The following DLG2 variants were observed in gnomAD, a reference collection of about 807,000 sequenced individuals.
The protein encoded by DLG2 is discs large MAGUK scaffold protein 2, also known as disks large homolog 2.
Under a neutral mutation model 132.5 loss-of-function variants are expected in DLG2, and 45 were observed. That is an observed-to-expected ratio of 0.34 (90% CI 0.27 to 0.44). The LOEUF (loss-of-function observed/expected upper bound fraction) is 0.44, where lower values mean the gene tolerates loss of function less well. Among genes scored for constraint, DLG2 ranks in the 20% least tolerant of loss-of-function variants. The pLI is 1.00. For synonymous variants in DLG2, 424 were observed against 419.6 expected, an observed-to-expected ratio of 1.01 and a Z score of -0.13; for missense variants, 1,045 against 1,196.9, an observed-to-expected ratio of 0.87 and a Z score of 1.87.
intron 4 of DLG2, among the ~76,000 whole-genome samples, chr11:85,224,591 A>G (rs2074861138): frequency 6.6e-6 from 1 of 152,198 alleles, no homozygotes; most frequent in Admixed American, 6.5e-5. Flanking sequence ...GAAGTGTGAC[A>G]TGAAAGCTTT....
At chr11:85,213,664 TC>T (rs1463118774) in intron 4 of DLG2, among the ~76,000 whole-genome samples, 1 of 152,114 alleles carries the variant, frequency 6.6e-6, no homozygotes, top group East Asian at 1.9e-4. Context: ...TTAATGCTGG[TC>T]AGCTGTGAGG....
intron 3 of DLG2, among the ~76,000 whole-genome samples, chr11:85,320,713 T>C (rs895708958): frequency 2.6e-5 from 4 of 151,808 alleles, no homozygotes; most frequent in Non-Finnish European, 5.9e-5. Flanking sequence ...AAGCAAGCCA[T>C]GTAATTATCT....
At chr11:85,308,389 G>A (rs1296902923) in intron 3 of DLG2, among the ~76,000 whole-genome samples, 1 of 151,924 alleles carries the variant, frequency 6.6e-6, no homozygotes, top group African/African-American at 2.4e-5. Flanking sequence ...TACAGACTAA[G>A]TCACTAAGAT....
chr11:84,240,143 T>C (rs1243089478), intron 8 of DLG2, among the ~76,000 whole-genome samples: 1 of 152,218 alleles, frequency 6.6e-6, no homozygotes, highest in East Asian at 1.9e-4. Flanking sequence ...CTGTACTTCT[T>C]TTAACCTGCT....
At chr11:85,348,988 C>A (rs1403675541) in intron 3 of DLG2, among the ~76,000 whole-genome samples, 1 of 152,098 alleles carries the variant, frequency 6.6e-6, no homozygotes, top group African/African-American at 2.4e-5. Flanking sequence ...ATTCTAAGCC[C>A]CCAACCAACT....
At chr11:83,611,283 G>C (rs187272190) in intron 19 of DLG2, among the ~76,000 whole-genome samples, 33 of 152,178 alleles carry the variant, frequency 2.2e-4, no homozygotes, top group Admixed American at 1.9e-3. Context: ...TATTGAGAAG[G>C]GGGGAAGGGG....
chr11:84,798,024 CAG>C (rs1334766791), intron 6 of DLG2, among the ~76,000 whole-genome samples: 2 of 152,168 alleles, frequency 1.3e-5, no homozygotes, highest in Non-Finnish European at 2.9e-5. Context: ...TTCTCCCAAA[CAG>C]AGTCTCTCTC....
chr11:84,704,595 C>T (rs11602539), intron 6 of DLG2, among the ~76,000 whole-genome samples: 46,469 of 151,088 alleles, frequency 0.31, 8,218 homozygotes, highest in African/African-American at 0.5. Flanking sequence ...TAGCCCTGGC[C>T]CTCATGGAGT....
At chr11:84,241,554 A>G (rs1479263558) in intron 8 of DLG2, among the ~76,000 whole-genome samples, 1 of 152,174 alleles carries the variant, frequency 6.6e-6, no homozygotes, top group Non-Finnish European at 1.5e-5. Flanking sequence ...TCTATTCATT[A>G]GACTAGGAAA....
chr11:85,070,971 A>T (rs1259848320), intron 6 of DLG2, among the ~76,000 whole-genome samples: 1 of 151,880 alleles, frequency 6.6e-6, no homozygotes, highest in East Asian at 1.9e-4. Flanking sequence ...CACTGGAGTC[A>T]GTCTGTCTGA....
chr11:84,504,363 CTAAG>C (rs2099232129), intron 7 of DLG2, among the ~76,000 whole-genome samples: 1 of 152,150 alleles, frequency 6.6e-6, no homozygotes, highest in Non-Finnish European at 1.5e-5. Flanking sequence ...TACCTAACTA[CTAAG>C]TGTTTGGCTT....
chr11:84,993,310 A>G (rs1461033207), intron 6 of DLG2, among the ~76,000 whole-genome samples: 2 of 152,168 alleles, frequency 1.3e-5, no homozygotes, highest in Admixed American at 1.3e-4. Context: ...TACCTAATGC[A>G]TGCAGGCCTT....
chr11:83,659,061 T>C (rs1344880289), intron 18 of DLG2, among the ~76,000 whole-genome samples: 1 of 152,228 alleles, frequency 6.6e-6, no homozygotes. Flanking sequence ...TAATATTCTG[T>C]ACTTCCATAT....
At chr11:83,601,274 G>A (rs111400387) in intron 19 of DLG2, among the ~76,000 whole-genome samples, 1 of 152,066 alleles carries the variant, frequency 6.6e-6, no homozygotes, top group Admixed American at 6.5e-5. Flanking sequence ...AGAGTTGGGG[G>A]CATTATTCTA....
chr11:85,279,479 AG>A (rs2078100213), intron 4 of DLG2, among the ~76,000 whole-genome samples: 1 of 152,118 alleles, frequency 6.6e-6, no homozygotes, highest in African/African-American at 2.4e-5. Flanking sequence ...TATAATAAAA[AG>A]TTAACTGGTA....
chr11:83,966,416 T>C (rs2090207063), intron 12 of DLG2, among the ~76,000 whole-genome samples: 1 of 152,038 alleles, frequency 6.6e-6, no homozygotes, highest in Non-Finnish European at 1.5e-5. Flanking sequence ...AAATGCCTCT[T>C]TCTTTATTGC....
At chr11:84,383,072 C>T (rs950613905) in intron 7 of DLG2, among the ~76,000 whole-genome samples, 6 of 151,972 alleles carry the variant, frequency 3.9e-5, no homozygotes, top group African/African-American at 1.5e-4. Context: ...TGGTATTCAT[C>T]CATTTTTCCC....
intron 3 of DLG2, among the ~76,000 whole-genome samples, chr11:85,488,929 A>C (rs182816581): frequency 5.1e-4 from 78 of 152,342 alleles, no homozygotes; most frequent in Middle Eastern, 6.8e-3. Context: ...TCATTGGTAA[A>C]TTAAACACAC....
At chr11:84,431,797 T>C (rs1567617514) in intron 7 of DLG2, among the ~76,000 whole-genome samples, 1 of 152,212 alleles carries the variant, frequency 6.6e-6, no homozygotes, top group Non-Finnish European at 1.5e-5. Flanking sequence ...TTATGTCATA[T>C]ATTATTAATT....
Sources: gnomAD v4.1 joint callset for allele counts (sites outside exome capture counted in the v4.1 genomes callset) on GRCh38, gnomAD v4.1.1 for gene constraint, MANE v1.5 for transcripts, NCBI Gene and HGNC (gene_info 2026-07-23, HGNC 2026-07-21) for gene names.